Variants in CFAP54 observed in about 807,000 individuals in gnomAD.
CFAP54 encodes cilia- and flagella-associated protein 54.
In CFAP54, 290 loss-of-function variants were observed where a neutral mutation model predicts 370.4. The ratio of observed to expected loss-of-function variants is 0.78; its 90% confidence interval spans 0.71 to 0.86. The LOEUF is 0.86. CFAP54 is among the 40% of genes least tolerant of loss of function. The probability of loss-of-function intolerance (pLI) is 0.00; values close to 1 mark genes in which losing one functional copy is unlikely to be tolerated. For synonymous variants in CFAP54, 1,206 were observed against 1,236.5 expected, an observed-to-expected ratio of 0.98 and a Z score of 0.52; for missense variants, 3,399 against 3,528.7, an observed-to-expected ratio of 0.96 and a Z score of 0.93.
intron 14 of CFAP54, 66 bp downstream of exon 14, chr12:96,541,053 C>A (rs1955563625): frequency 2.9e-6 from 3 of 1,024,200 alleles, no homozygotes; most frequent in East Asian, 3.0e-5. Flanking sequence ...ATATCAAATG[C>A]AGGATAACTC....
At chr12:96,854,351 A>G (rs114352724) in intron 66 of CFAP54, among the ~76,000 whole-genome samples, 2,319 of 152,238 alleles carry the variant, frequency 0.015, 74 homozygotes, top group African/African-American at 0.054. Context: ...AACAACAACA[A>G]CAAAGATGTG....
At chr12:96,869,253 A>C (rs920680324) in intron 67 of CFAP54, among the ~76,000 whole-genome samples, 8 of 152,168 alleles carry the variant, frequency 5.3e-5, no homozygotes, top group Non-Finnish European at 7.3e-5. Context: ...TCTTAGAACA[A>C]TGTTGCTGGT....
At chr12:96,631,719 CAT>C (rs966940772) in intron 32 of CFAP54, among the ~76,000 whole-genome samples, 8 of 148,498 alleles carry the variant, frequency 5.4e-5, no homozygotes, top group African/African-American at 1.5e-4. Context: ...ATGCATATAT[CAT>C]ATAATATATA....
chr12:96,585,956 C>T (rs1956073138), intron 22 of CFAP54, among the ~76,000 whole-genome samples: 1 of 152,090 alleles, frequency 6.6e-6, no homozygotes, highest in Non-Finnish European at 1.5e-5. Flanking sequence ...GATGGGGGCC[C>T]ATCTTGCTTT....
intron 45 of CFAP54, among the ~76,000 whole-genome samples, chr12:96,699,117 G>T (rs879431774): frequency 9.2e-5 from 14 of 152,112 alleles, no homozygotes; most frequent in Admixed American, 2.0e-4. Context: ...ACATCTGATT[G>T]GTTGCAAAAG....
Position 96,664,731 on chromosome 12 carries a change from ATATATATC to A in CFAP54, c.5563+807_5563+814del, listed in dbSNP as rs1777504006. On this transcript the variant is annotated intron_variant, in intron 39 of 67. Transcript: ENST00000524981. ...TATATATATCTATATATATCTATATATATATATCTATATATATATATATCTATATATAT... is the reference window on the plus strand; with the variant it reads ...TATATATATCTATATATATCTATATATATATATATATATATCTATATATAT... 1.3e-4 allele frequency among the ~76,000 whole-genome samples: 3 copies of A among 23,332 alleles called. 1 individual carries two copies. Among genetic ancestry groups the A allele is most frequent in the African/African-American group, 2.4e-4 (1 of 4,136 alleles). The allele number at this position is 23,332 out of a possible 152,430, so 15.3% of individuals were successfully genotyped here. A position where few individuals can be genotyped will look rare whatever the true frequency, so the allele number is the denominator to read the frequency against.
chr12:96,770,633 C>G (rs550818915), intron 60 of CFAP54, among the ~76,000 whole-genome samples: 2 of 152,164 alleles, frequency 1.3e-5, no homozygotes, highest in Non-Finnish European at 2.9e-5. Context: ...AAGATTCACA[C>G]GACAGCAGAA....
At chr12:96,796,348 G>A (rs769367614) in intron 63 of CFAP54, among the ~76,000 whole-genome samples, 10 of 152,082 alleles carry the variant, frequency 6.6e-5, no homozygotes, top group Admixed American at 3.9e-4. Flanking sequence ...TTCATATCAC[G>A]ATTTTGCTAG....
intron 12 of CFAP54, among the ~76,000 whole-genome samples, chr12:96,536,080 A>G (rs746223150): frequency 5.9e-5 from 9 of 152,134 alleles, no homozygotes; most frequent in Non-Finnish European, 7.4e-5. Flanking sequence ...AAATTAATTT[A>G]TTTGTTTTTA....
In CFAP54 at chr12:96,693,705, T is replaced by A. The variant is rs762001494; in HGVS notation, c.6265-17T>A. 28 of 1,459,492 alleles carry A rather than the reference T, an allele frequency of 1.9e-5. No individual in the cohort carries two copies. The highest frequency in any genetic ancestry group is 2.5e-5 in the Non-Finnish European group (26 of 1,058,746). 90.4% of individuals were successfully genotyped at this position (1,459,492 alleles called of 1,614,324 possible). On this transcript the variant is annotated splice_polypyrimidine_tract_variant and intron_variant, in intron 44 of 67. Coordinates refer to ENST00000524981, the MANE Select transcript of CFAP54 (RefSeq NM_001306084.2). The stretch of plus-strand genomic sequence containing the variant: ...ATAAAATATATTTTGAAACAAAGAG[T>A]GTTTTTCTCCTGATAGGTTCTGCCT...
intron 65 of CFAP54, among the ~76,000 whole-genome samples, chr12:96,825,427 A>G (rs1959082633): frequency 9.5e-6 from 1 of 104,746 alleles, no homozygotes; most frequent in Non-Finnish European, 1.9e-5. Context: ...AACATGTTAT[A>G]TTATATATAA....
intron 66 of CFAP54, among the ~76,000 whole-genome samples, chr12:96,838,859 A>G (rs1414754828): frequency 1.3e-5 from 2 of 152,224 alleles, no homozygotes; most frequent in African/African-American, 4.8e-5. Context: ...ATTGTTTTGC[A>G]CAAAGATGGG....
chr12:96,757,129 G>A (rs968046832), intron 57 of CFAP54, among the ~76,000 whole-genome samples: 1 of 152,166 alleles, frequency 6.6e-6, no homozygotes, highest in Admixed American at 6.5e-5. Flanking sequence ...TAGTGTAGGA[G>A]GATAGAGAGG....
At chr12:96,853,048 T>C (rs991935911) in intron 66 of CFAP54, among the ~76,000 whole-genome samples, 1 of 152,140 alleles carries the variant, frequency 6.6e-6, no homozygotes, top group African/African-American at 2.4e-5. Flanking sequence ...TTTTTAGATA[T>C]CCAATTATTT....
At chr12:96,515,239 C>G (rs1318494977) in intron 5 of CFAP54, among the ~76,000 whole-genome samples, 1 of 152,028 alleles carries the variant, frequency 6.6e-6, no homozygotes, top group Admixed American at 6.6e-5. Context: ...GAACTCCTGA[C>G]CTCCAGTGAT....
chr12:96,649,771 T>C (rs10507076), intron 34 of CFAP54, 120 bp from the exon 35 acceptor site: 57,064 of 619,154 alleles, frequency 0.092, 5,754 homozygotes, highest in East Asian at 0.5. Context: ...TCTTGTCCTT[T>C]CTCCAAGTTT....
chr12:96,783,223 T>G (rs1381410406), intron 60 of CFAP54, among the ~76,000 whole-genome samples: 1 of 152,220 alleles, frequency 6.6e-6, no homozygotes, highest in East Asian at 1.9e-4. Flanking sequence ...TAGTGATTAT[T>G]TCTGGGACAT....
At chr12:96,825,208 T>G (rs1271733663) in intron 65 of CFAP54, among the ~76,000 whole-genome samples, 2 of 137,614 alleles carry the variant, frequency 1.5e-5, no homozygotes, top group Non-Finnish European at 3.1e-5. Flanking sequence ...ATATACATAT[T>G]ATATATATAT....
At chr12:96,866,467 T>G (rs1395528278) in intron 67 of CFAP54, among the ~76,000 whole-genome samples, 1 of 152,176 alleles carries the variant, frequency 6.6e-6, no homozygotes, top group Admixed American at 6.5e-5. Context: ...TGTTCCTGTT[T>G]GATATTTAAG....
Sources: gnomAD v4.1 joint callset for allele counts (sites outside exome capture counted in the v4.1 genomes callset) on GRCh38, gnomAD v4.1.1 for gene constraint, MANE v1.5 for transcripts, NCBI Gene and HGNC (gene_info 2026-07-23, HGNC 2026-07-21) for gene names.